The following PCDHGA2 variants were observed in gnomAD, a reference collection of about 807,000 sequenced individuals.
PCDHGA2 encodes the protein protocadherin gamma-A2.
In PCDHGA2, 40 loss-of-function variants were observed where a neutral mutation model predicts 59.2. The ratio of observed to expected loss-of-function variants is 0.68; its 90% CI spans 0.52 to 0.88. The LOEUF (loss-of-function observed/expected upper bound fraction) is 0.88. PCDHGA2 is among the 40% of genes least tolerant of loss of function. PCDHGA2 has a pLI of 0.00. For synonymous variants in PCDHGA2, 560 were observed against 526.0 expected (o/e 1.06, Z -0.89); for missense variants, 1,226 against 1,204.0 (o/e 1.02, Z -0.27).
In PCDHGA2 at chr5:141,512,267, G is replaced by C. The variant is rs2099884152; in HGVS notation, c.*1094G>C. On this transcript the variant is annotated 3_prime_UTR_variant, in exon 4 of 4. Coordinates refer to ENST00000394576, the MANE Select transcript of PCDHGA2 (RefSeq NM_018915.4). ...GCCTCTGTGGGTGCTGGGTACTCCA[G>C]AGGTGCCACTGGTGGAAGGGTCAGC... 2.6e-5 allele frequency: 4 copies of C among 152,744 alleles called. No homozygotes were observed. Among genetic ancestry groups the C allele is most frequent in the Admixed American group, 2.6e-4 (4 of 15,290 alleles). 9.5% of individuals were successfully genotyped at this position (152,744 alleles called of 1,614,324 possible). A position where few individuals can be genotyped will look rare whatever the true frequency, so the allele number is the denominator to read the frequency against.
At chr5:141,469,044 A>C (rs1247890388) in intron 1 of PCDHGA2, among the ~76,000 whole-genome samples, 1 of 152,128 alleles carries the variant, frequency 6.6e-6, no homozygotes, top group East Asian at 1.9e-4. Context: ...TGGGAGGCCA[A>C]GGTGGGAGGA....
intron 1 of PCDHGA2, chr5:141,376,051 C>G (rs771320447): frequency 7.4e-6 from 12 of 1,613,344 alleles, no homozygotes; most frequent in Non-Finnish European, 9.3e-6. Context: ...CTCTCTCCGC[C>G]ACTGTCACGC....
Position 141,417,739 on chromosome 5 carries a change from C to G in PCDHGA2, c.2424+76344C>G, listed in dbSNP as rs1002260902. On this transcript the variant is annotated intron_variant, in intron 1 of 3. Transcript: ENST00000394576. The stretch of plus-strand genomic sequence containing the variant: ...GGCTGCGCAGACCTTGCCCAGCACA[C>G]CAGATTGCCAGCTCCGAGACCCGGG... 1.6e-5 allele frequency: 22 copies of G among 1,411,706 alleles called. No homozygotes were observed. In the African/African-American group the frequency reaches 1.7e-4, roughly 11 times the overall value. The allele number at this position is 1,411,706 out of a possible 1,614,324, so 87.4% of individuals were successfully genotyped here.
At chr5:141,494,305 C>T (rs544773836) in intron 1 of PCDHGA2, among the ~76,000 whole-genome samples, 1 of 152,346 alleles carries the variant, frequency 6.6e-6, no homozygotes, top group East Asian at 1.9e-4. Context: ...GAATGTGTCA[C>T]TGCACAACCT....
At chr5:141,418,131 A>C (rs1421799777) in intron 1 of PCDHGA2, 1 of 1,614,044 alleles carries the variant, frequency 6.2e-7, no homozygotes, top group East Asian at 2.2e-5. Flanking sequence ...GACCGAATAG[A>C]CCGTGAGCAA....
intron 1 of PCDHGA2, chr5:141,389,814 G>A (rs753211260): frequency 1.2e-6 from 2 of 1,613,866 alleles, no homozygotes; most frequent in East Asian, 2.2e-5. Context: ...TCTGGTCGCC[G>A]TGCGTGACGG....
At position 141,375,636 on chromosome 5, in the gene PCDHGA2, G is replaced by C. The variant is rs1448632834; in HGVS notation, c.2424+34241G>C. On this transcript the variant is annotated intron_variant, in intron 1 of 3. Transcript: ENST00000394576. ...GACACTGGGATTCTGTACGCCCTGC[G>C]CTCCTTCGACTATGAGCAGTTGAGA... The C allele has an allele frequency of 6.2e-6, 10 of 1,614,064 alleles. No individual in the cohort carries two copies. Among genetic ancestry groups the C allele is most frequent in the Non-Finnish European group, 8.5e-6 (10 of 1,180,044 alleles).
At chr5:141,480,625 G>A (rs1041569361) in intron 1 of PCDHGA2, among the ~76,000 whole-genome samples, 2 of 152,070 alleles carry the variant, frequency 1.3e-5, no homozygotes, top group Non-Finnish European at 2.9e-5. Flanking sequence ...ATTTTCCCTA[G>A]AACAATGTTT....
In PCDHGA2 at chr5:141,415,739, G is replaced by GTTTT; in HGVS notation, c.2424+74344_2424+74345insTTTT. On this transcript the variant is annotated intron_variant, in intron 1 of 3. Transcript: ENST00000394576. The stretch of plus-strand genomic sequence containing the variant: ...ATGAGTAGAATTTGATGTTTATTAA[G>GTTTT]GTTTTTTTTTTTTTTTTTTTTTTTT... 9.2e-6 allele frequency: 4 copies of GTTTT among 434,946 alleles called. No homozygotes were observed. In the African/African-American group the frequency reaches 1.3e-4, roughly 14 times the overall value. 26.9% of individuals were successfully genotyped at this position (434,946 alleles called of 1,614,324 possible).
chr5:141,388,842 A>G (rs1399936260), intron 1 of PCDHGA2: 1 of 1,614,014 alleles, frequency 6.2e-7, no homozygotes, highest in Non-Finnish European at 8.5e-7. Flanking sequence ...TTTGGAAGCA[A>G]GGGACGGTGG....
intron 1 of PCDHGA2, among the ~76,000 whole-genome samples, chr5:141,480,240 C>CAAA (rs11374694): frequency 1.8e-5 from 2 of 114,046 alleles, no homozygotes; most frequent in Non-Finnish European, 3.8e-5. Context: ...CCTGTCTCTA[C>CAAA]AAAAAAAAAA....
At chr5:141,394,300 T>A (rs753637808) in intron 1 of PCDHGA2, 1 of 1,613,938 alleles carries the variant, frequency 6.2e-7, no homozygotes, top group Admixed American at 1.7e-5. Context: ...GAGGACACGC[T>A]GCAGGGGGCG....
chr5:141,344,629 C>T, intron 1 of PCDHGA2: 1 of 1,613,912 alleles, frequency 6.2e-7, no homozygotes, highest in Non-Finnish European at 8.5e-7. Context: ...CTGGAGCGGG[C>T]CCTGGACCGT....
chr5:141,367,552 A>ATAAATAAG (rs1765229761), intron 1 of PCDHGA2: 1 of 147,664 alleles, frequency 6.8e-6, no homozygotes, highest in South Asian at 2.1e-4. Context: ...AAATAAATAA[A>ATAAATAAG]TAAATAAATA....
Position 141,340,157 on chromosome 5 carries a change from A to C in PCDHGA2, c.1186A>C (p.Lys396Gln). 6.2e-7 allele frequency: 1 copy of C among 1,614,210 alleles called. No individual in the cohort carries two copies. Among genetic ancestry groups the C allele is most frequent in the Non-Finnish European group, 8.5e-7 (1 of 1,180,018 alleles). Residue 396 changes from lysine to glutamine, a missense_variant, in exon 1 of 4, where the codon AAG (lysine) becomes CAG (glutamine). By Grantham distance (53) the Lys-to-Gln change is moderately conservative. Transcript: ENST00000394576. ...LPEDLPFKLE[K>Q]SVDNYYRLVT... ...CGAGGATCTTCCTTTTAAGTTAGAA[A>C]AGTCAGTAGACAATTACTACCGACT... is the stretch of plus-strand genomic sequence containing the variant.
In PCDHGA2 at chr5:141,398,254, A is replaced by G. The variant is rs868152545; in HGVS notation, c.2424+56859A>G. 5.5e-6 allele frequency: 8 copies of G among 1,465,970 alleles called. No homozygotes were observed. In the African/African-American group the frequency reaches 8.6e-5, roughly 16 times the overall value. The allele number at this position is 1,465,970 out of a possible 1,614,324, so 90.8% of individuals were successfully genotyped here. On this transcript the variant is annotated intron_variant, in intron 1 of 3. Transcript: ENST00000394576. ...CTACAGGATTCCCGAGGAAATGCCC[A>G]AGGGCTCCGTAGTGGGGAACCTCGC... is the stretch of plus-strand genomic sequence containing the variant.
Position 141,364,666 on chromosome 5 carries a change from C to A in PCDHGA2, c.2424+23271C>A, listed in dbSNP as rs1763468271. Reference sequence around the variant, plus strand: ...TGAACTTTAACATCTTGGTTGAGAACAAAATGAAAATTTATGGAGTAGAAG... The same window carrying A: ...TGAACTTTAACATCTTGGTTGAGAAAAAAATGAAAATTTATGGAGTAGAAG... On this transcript the variant is annotated intron_variant, in intron 1 of 3. Coordinates refer to ENST00000394576, the MANE Select transcript of PCDHGA2 (RefSeq NM_018915.4). The A allele has an allele frequency of 2.5e-6, 4 of 1,614,022 alleles. No homozygotes were observed. The East Asian group carries it at 6.7e-5, about 27-fold the overall frequency.
At chr5:141,374,627 G>T (rs955993144) in intron 1 of PCDHGA2, 5 of 1,613,182 alleles carry the variant, frequency 3.1e-6, no homozygotes, top group Admixed American at 1.7e-5. Flanking sequence ...CTCAGTGGAC[G>T]TGCAAAGCGA....
At chr5:141,422,705 C>T (rs371027437) in intron 1 of PCDHGA2, 2 of 1,602,706 alleles carry the variant, frequency 1.2e-6, no homozygotes, top group South Asian at 1.1e-5. Context: ...TACTCTCTGA[C>T]GGATGACACT....
Sources: allele counts gnomAD v4.1 joint callset (sites outside exome capture counted in the v4.1 genomes callset), GRCh38; gene constraint gnomAD v4.1.1; transcripts MANE v1.5; gene names NCBI Gene and HGNC (gene_info 2026-07-23, HGNC 2026-07-21).